Variants in MAPRE1 observed in about 807,000 individuals in gnomAD.
MAPRE1 encodes the protein microtubule associated protein RP/EB family member 1.
In MAPRE1, 5 loss-of-function variants were observed where a neutral mutation model predicts 32.1. That is an observed-to-expected ratio of 0.16 (90% CI 0.08 to 0.33). The LOEUF (loss-of-function observed/expected upper bound fraction) is 0.33. Among genes scored for constraint, MAPRE1 ranks in the 10% least tolerant of loss-of-function variants. MAPRE1 has a pLI of 1.00. For synonymous variants in MAPRE1, 122 were observed against 118.9 expected (o/e 1.03, Z -0.17); for missense variants, 209 against 327.2 (o/e 0.64, Z 2.79).
intron 3 of MAPRE1, among the ~76,000 whole-genome samples, chr20:32,834,115 G>T (rs1983117794): frequency 6.6e-6 from 1 of 152,142 alleles, no homozygotes; most frequent in Non-Finnish European, 1.5e-5. Flanking sequence ...AATTTGTACA[G>T]TGATTTTTAT....
At chr20:32,825,372 C>G (rs1000943420) in intron 1 of MAPRE1, among the ~76,000 whole-genome samples, 4 of 152,084 alleles carry the variant, frequency 2.6e-5, no homozygotes, top group African/African-American at 9.7e-5. Context: ...AATGGGGCCT[C>G]AATTTTAGTC....
At chr20:32,827,881 C>T (rs570649024) in intron 2 of MAPRE1, among the ~76,000 whole-genome samples, 317 of 143,730 alleles carry the variant, frequency 2.2e-3, no homozygotes, top group African/African-American at 7.7e-3. Context: ...GGTGACAGAG[C>T]GAGGCTCTGT....
intron 3 of MAPRE1, 139 bp downstream of exon 3, chr20:32,834,001 T>G: frequency 2.5e-6 from 2 of 789,178 alleles, no homozygotes; most frequent in Non-Finnish European, 1.9e-6. Flanking sequence ...AACACAGAAT[T>G]TACTGGGAGC....
At chr20:32,833,687 T>A (rs774240434) in intron 2 of MAPRE1, 30 bp from the exon 3 acceptor site, 1 of 1,590,502 alleles carries the variant, frequency 6.3e-7, no homozygotes, top group Non-Finnish European at 8.6e-7. Context: ...CTTCTTTAAT[T>A]GTATTTTTCT....
intron 1 of MAPRE1, 138 bp from the exon 2 acceptor site, chr20:32,825,787 C>T: frequency 1.6e-6 from 1 of 610,554 alleles, no homozygotes; most frequent in Non-Finnish European, 2.5e-6. Flanking sequence ...GAGACTCTGT[C>T]TCAAAATAAA....
At chr20:32,821,640 A>G (rs1047548731) in intron 1 of MAPRE1, among the ~76,000 whole-genome samples, 3 of 152,240 alleles carry the variant, frequency 2.0e-5, no homozygotes, top group Non-Finnish European at 2.9e-5. Flanking sequence ...ATTTTACAGG[A>G]TGAGCCATTT....
rs1043091721 is a variant in MAPRE1 at position 32,835,342 on chromosome 20, T to G, written c.268-1292T>G. ...GGTCCTTATGTATATTTGTTATTTT[T>G]TGTGTGTGTGTTTTTATTGGTGTTT... On this transcript the variant is annotated intron_variant, in intron 3 of 6. Transcript: ENST00000375571. Among the ~76,000 whole-genome samples, 18 of 151,804 alleles carry G rather than the reference T, an allele frequency of 1.2e-4. 2 individuals carry two copies. Among genetic ancestry groups the G allele is most frequent in the East Asian group, 1.9e-4 (1 of 5,170 alleles).
intron 2 of MAPRE1, among the ~76,000 whole-genome samples, 166 bp downstream of exon 2, chr20:32,826,214 CTTTTTTT>C (rs3092521): frequency 9.2e-6 from 1 of 108,914 alleles, no homozygotes. Flanking sequence ...TCCAAAGGAA[CTTTTTTT>C]TTTTTTTTTT....
chr20:32,826,283 C>T (rs1982846138), intron 2 of MAPRE1, among the ~76,000 whole-genome samples: 1 of 143,750 alleles, frequency 7.0e-6, no homozygotes, highest in African/African-American at 2.6e-5. Flanking sequence ...GTGGCGCGAT[C>T]TCGGCTCACT....
intron 2 of MAPRE1, among the ~76,000 whole-genome samples, chr20:32,831,938 C>T (rs1319072299): frequency 1.1e-4 from 14 of 131,048 alleles, no homozygotes; most frequent in African/African-American, 4.2e-4. Flanking sequence ...AAAAAAAGTT[C>T]GTCCGTTTCA....
intron 3 of MAPRE1, among the ~76,000 whole-genome samples, chr20:32,835,346 G>A (rs1983159102): frequency 1.6e-5 from 2 of 127,766 alleles, no homozygotes; most frequent in African/African-American, 3.4e-5. Flanking sequence ...TATTTTTTGT[G>A]TGTGTGTTTT....
intron 1 of MAPRE1, among the ~76,000 whole-genome samples, chr20:32,825,359 T>TA (rs747873671): frequency 1.8e-4 from 27 of 152,166 alleles, no homozygotes; most frequent in Non-Finnish European, 4.0e-4. Flanking sequence ...TTAATCACAT[T>TA]AAAATGGGGC....
intron 1 of MAPRE1, among the ~76,000 whole-genome samples, chr20:32,825,325 C>T (rs1487941391): frequency 1.3e-5 from 2 of 152,070 alleles, no homozygotes; most frequent in Non-Finnish European, 2.9e-5. Context: ...TTATTTAGTG[C>T]CTCTTATAGT....
At chr20:32,822,497 C>T (rs753707816) in intron 1 of MAPRE1, among the ~76,000 whole-genome samples, 8 of 152,104 alleles carry the variant, frequency 5.3e-5, no homozygotes, top group African/African-American at 9.7e-5. Context: ...AGGTCTCAGG[C>T]GCACTGTTTT....
chr20:32,846,966 G>C (rs1304859944), intron 6 of MAPRE1, among the ~76,000 whole-genome samples, 196 bp downstream of exon 6: 1 of 152,204 alleles, frequency 6.6e-6, no homozygotes, highest in Non-Finnish European at 1.5e-5. Context: ...GAAGGAATAG[G>C]ACAAGGAGGT....
At position 32,833,765 on chromosome 20, in the gene MAPRE1, C is replaced by T. The variant is rs1412524528; in HGVS notation, c.170C>T (p.Ala57Val). The T allele has an allele frequency of 6.2e-7, 1 of 1,613,934 alleles. No homozygotes were observed. The highest frequency in any genetic ancestry group is 1.7e-5 in the Admixed American group (1 of 59,996). ...GACATGCTGTTCCCTGGCTCCATTGCCTTGAAGAAAGTGAAATTCCAAGCT... is the reference window on the plus strand; with the variant it reads ...GACATGCTGTTCCCTGGCTCCATTGTCTTGAAGAAAGTGAAATTCCAAGCT... ...FMDMLFPGSI[A>V]LKKVKFQAKL... The change falls in exon 3 of 7, where the codon GCC (alanine) becomes GTC (valine). Residue 57 changes from alanine (A) to valine (V), a missense_variant. Transcript: ENST00000375571.
rs2146124813 is a variant in MAPRE1, at chr20:32,828,911, A to C, written c.121+2863A>C. Among the ~76,000 whole-genome samples the C allele has an allele frequency of 1.3e-5, 2 of 152,226 alleles. 1 individual carries two copies. The highest frequency in any genetic ancestry group is 4.1e-4 in the South Asian group (2 of 4,824). On this transcript the variant is annotated intron_variant, in intron 2 of 6. Coordinates refer to ENST00000375571, the MANE Select transcript of MAPRE1 (RefSeq NM_012325.3). The stretch of plus-strand genomic sequence containing the variant: ...TAGTTAATTATAGTGATACTGTTTC[A>C]CTATAAAGTCTGTGAGGTTTGTCAG...
intron 5 of MAPRE1, among the ~76,000 whole-genome samples, chr20:32,842,708 A>G (rs1983398014): frequency 6.6e-6 from 1 of 152,244 alleles, no homozygotes; most frequent in Non-Finnish European, 1.5e-5. Context: ...TGAGAGTACC[A>G]AGGCATGGGA....
intron 4 of MAPRE1, among the ~76,000 whole-genome samples, chr20:32,837,087 A>C (rs1489683529): frequency 6.6e-6 from 1 of 152,212 alleles, no homozygotes; most frequent in Non-Finnish European, 1.5e-5. Context: ...GGGAATTTTA[A>C]TACTTGCCCC....
Sources: allele counts gnomAD v4.1 joint callset (sites outside exome capture counted in the v4.1 genomes callset), GRCh38; gene constraint gnomAD v4.1.1; transcripts MANE v1.5; gene names NCBI Gene and HGNC (gene_info 2026-07-23, HGNC 2026-07-21).